Variants in NT5C2 observed in about 807,000 individuals in gnomAD.
The protein encoded by NT5C2 is cytosolic purine 5'-nucleotidase.
Under a neutral mutation model 76.1 loss-of-function variants are expected in NT5C2, and 58 were observed. The ratio of observed to expected loss-of-function variants is 0.76; its 90% CI spans 0.62 to 0.95. The LOEUF (loss-of-function observed/expected upper bound fraction) is 0.95. Ranked by LOEUF, NT5C2 falls within the 40% of genes least tolerant of loss-of-function variation. The probability of loss-of-function intolerance (pLI) is 0.00; values close to 1 mark genes in which losing one functional copy is unlikely to be tolerated. For synonymous variants in NT5C2, 229 were observed against 237.4 expected (o/e 0.96, Z 0.32); for missense variants, 478 against 690.3 (o/e 0.69, Z 3.45).
chr10:103,125,349 C>T (rs2076464440), intron 4 of NT5C2: 5 of 356,824 alleles, frequency 1.4e-5, no homozygotes, highest in South Asian at 8.1e-5. Context: ...AAGAACCTGG[C>T]GTTTGCCTGT....
At chr10:103,134,547 G>C (rs1258870347) in intron 4 of NT5C2, among the ~76,000 whole-genome samples, 1 of 152,252 alleles carries the variant, frequency 6.6e-6, no homozygotes, top group Non-Finnish European at 1.5e-5. Context: ...CCAGGCAGAA[G>C]TTTGCTGCCA....
chr10:103,172,043 C>G (rs918404671), intron 3 of NT5C2, among the ~76,000 whole-genome samples: 4 of 151,822 alleles, frequency 2.6e-5, no homozygotes, highest in African/African-American at 9.7e-5. Context: ...AACCCTGTCT[C>G]TACTAAAAAT....
At chr10:103,091,792 G>T (rs1356245648) in intron 15 of NT5C2, among the ~76,000 whole-genome samples, 177 bp from the exon 16 acceptor site, 1 of 152,128 alleles carries the variant, frequency 6.6e-6, no homozygotes, top group Non-Finnish European at 1.5e-5. Context: ...ATACCTGCTT[G>T]GAGTCTGACA....
chr10:103,157,600 A>G (rs1277355704), intron 3 of NT5C2, among the ~76,000 whole-genome samples: 1 of 152,212 alleles, frequency 6.6e-6, no homozygotes, highest in African/African-American at 2.4e-5. Flanking sequence ...TAAGGTAAAG[A>G]CATCTTTAGA....
intron 2 of NT5C2, among the ~76,000 whole-genome samples, chr10:103,180,925 GAA>G (rs970061307): frequency 1.3e-5 from 2 of 152,072 alleles, no homozygotes; most frequent in African/African-American, 4.8e-5. Context: ...CTGAGTGAAA[GAA>G]GACAAAAAGA....
Position 103,095,926 on chromosome 10 carries a change from T to C in NT5C2, c.813+13A>G. On this transcript the variant is annotated intron_variant, in intron 12 of 18. Coordinates refer to ENST00000404739, the MANE Select transcript of NT5C2 (RefSeq NM_001351169.2). ...GTTATTAAAGCAGTGGTCTATTGAG[T>C]CACATACGGTACCTTGGGGCCATGT... 6.2e-7 allele frequency: 1 copy of C among 1,607,736 alleles called. No homozygotes were observed. Among genetic ancestry groups the C allele is most frequent in the Non-Finnish European group, 8.5e-7 (1 of 1,174,480 alleles).
At chr10:103,156,369 A>G (rs574137466) in intron 3 of NT5C2, among the ~76,000 whole-genome samples, 2 of 152,226 alleles carry the variant, frequency 1.3e-5, no homozygotes, top group East Asian at 1.9e-4. Flanking sequence ...CATGGTGACT[A>G]TATTATTCCT....
At chr10:103,185,649 CAA>C (rs78374465) in intron 1 of NT5C2, among the ~76,000 whole-genome samples, 17 of 71,084 alleles carry the variant, frequency 2.4e-4, no homozygotes, top group Non-Finnish European at 2.8e-4. Flanking sequence ...ACCCTGTCTC[CAA>C]AAAAAAAAAA....
chr10:103,150,937 A>G (rs1002517130), intron 3 of NT5C2, among the ~76,000 whole-genome samples: 1 of 152,192 alleles, frequency 6.6e-6, no homozygotes, highest in Non-Finnish European at 1.5e-5. Context: ...GTCTTTCAAG[A>G]AACAGGAATT....
intron 3 of NT5C2, among the ~76,000 whole-genome samples, chr10:103,150,826 G>C (rs2082271286): frequency 6.6e-6 from 1 of 152,116 alleles, no homozygotes; most frequent in Non-Finnish European, 1.5e-5. Context: ...TGAATTACAA[G>C]AGTTCTTCGT....
intron 4 of NT5C2, among the ~76,000 whole-genome samples, chr10:103,118,395 A>G (rs1452496941): frequency 7.2e-6 from 1 of 139,078 alleles, no homozygotes; most frequent in Non-Finnish European, 1.5e-5. Context: ...CTCATTCTGT[A>G]GCCCAGGCTG....
intron 15 of NT5C2, among the ~76,000 whole-genome samples, chr10:103,091,861 T>G (rs955556226): frequency 2.6e-5 from 4 of 152,176 alleles, no homozygotes; most frequent in African/African-American, 9.7e-5. Flanking sequence ...AACACCATGA[T>G]GACAACTTTC....
At position 103,099,953 on chromosome 10, in the gene NT5C2, T is replaced by C. The variant is rs2069147938; in HGVS notation, c.606A>G (p.Arg202=). 6.2e-7 allele frequency: 1 copy of C among 1,612,596 alleles called. No individual in the cohort carries two copies. Among genetic ancestry groups the C allele is most frequent in the Non-Finnish European group, 8.5e-7 (1 of 1,178,770 alleles). The stretch of plus-strand genomic sequence containing the variant: ...TGTAATGAACCCAGTCAACAGCATC[T>C]CTTACATCCTGGAACATACTCCGGT... The part of the protein sequence containing the change: ...MSYRSMFQDV[R]DAVDWVHYKG... Residue 202 remains arginine (R), a synonymous_variant, in exon 9 of 19, where the codon AGA becomes AGG. Coordinates refer to ENST00000404739, the MANE Select transcript of NT5C2 (RefSeq NM_001351169.2).
At chr10:103,178,281 C>T (rs1310166829) in intron 2 of NT5C2, among the ~76,000 whole-genome samples, 3 of 152,240 alleles carry the variant, frequency 2.0e-5, no homozygotes, top group African/African-American at 4.8e-5. Context: ...GGCGCAGTGG[C>T]TCATGCCTAT....
At chr10:103,094,213 A>C (rs1260350761) in intron 13 of NT5C2, 135 bp downstream of exon 13, 3 of 754,076 alleles carry the variant, frequency 4.0e-6, no homozygotes, top group Non-Finnish European at 6.6e-6. Flanking sequence ...GTTAAGACCA[A>C]AACTCTTAAT....
chr10:103,176,366 C>A (rs960205457), intron 2 of NT5C2, among the ~76,000 whole-genome samples: 12 of 152,154 alleles, frequency 7.9e-5, no homozygotes, highest in Non-Finnish European at 1.6e-4. Context: ...CTGTCCCCAC[C>A]CCTGCAGAAG....
chr10:103,129,225 C>G (rs1414052679), intron 4 of NT5C2, among the ~76,000 whole-genome samples: 6 of 101,918 alleles, frequency 5.9e-5, no homozygotes, highest in African/African-American at 2.2e-4. Flanking sequence ...TCAGCCTGGC[C>G]AGCCACCCCG....
intron 4 of NT5C2, among the ~76,000 whole-genome samples, chr10:103,114,760 CAG>C (rs2073946424): frequency 6.6e-6 from 1 of 152,104 alleles, no homozygotes; most frequent in Non-Finnish European, 1.5e-5. Flanking sequence ...GGATTAAAAA[CAG>C]AAAATAAAAG....
chr10:103,164,204 C>T (rs916037479), intron 3 of NT5C2, among the ~76,000 whole-genome samples: 4 of 152,036 alleles, frequency 2.6e-5, no homozygotes, highest in East Asian at 3.9e-4. Context: ...GCTATGATTG[C>T]GCCACTGCAC....
Sources: allele counts gnomAD v4.1 joint callset (sites outside exome capture counted in the v4.1 genomes callset), GRCh38; gene constraint gnomAD v4.1.1; transcripts MANE v1.5; gene names NCBI Gene and HGNC (gene_info 2026-07-23, HGNC 2026-07-21).